Variants in CDC42SE2 observed in about 807,000 individuals in gnomAD.
CDC42SE2 encodes the protein CDC42 small effector 2, also known as CDC42 small effector protein 2.
In CDC42SE2, 3 loss-of-function variants were observed where a neutral mutation model predicts 11.5. The observed-to-expected ratio is 0.26, with a 90% CI of 0.12 to 0.67. CDC42SE2 has a LOEUF of 0.67. CDC42SE2 is among the 30% of genes least tolerant of loss of function. The pLI, the probability that CDC42SE2 is intolerant of heterozygous loss-of-function variation, is 0.80. For missense variants in CDC42SE2, 82 were observed against 106.8 expected (o/e 0.77, Z 1.02); for synonymous variants, 33 against 34.8 (o/e 0.95, Z 0.18).
At chr5:131,346,439 A>G (rs1053160317) in intron 2 of CDC42SE2, among the ~76,000 whole-genome samples, 2 of 152,260 alleles carry the variant, frequency 1.3e-5, no homozygotes, top group African/African-American at 4.8e-5. Context: ...GATCAATTCA[A>G]CAAAAAGAGC....
chr5:131,240,187 T>C, the CDC42SE2 span, among the ~76,000 whole-genome samples: 2 of 152,258 alleles, frequency 1.3e-5, no homozygotes, highest in East Asian at 1.9e-4. Flanking sequence ...GCAACAGTTT[T>C]CTAAATTTAA....
At chr5:131,307,213 C>A (rs1328393328) in intron 1 of CDC42SE2, among the ~76,000 whole-genome samples, 29 of 110,582 alleles carry the variant, frequency 2.6e-4, no homozygotes, top group African/African-American at 1.0e-3. Context: ...CTATCCCTCC[C>A]CCCTCCCCCC....
chr5:131,261,318 T>C (rs1236043885), upstream of CDC42SE2: 1 of 152,232 alleles, frequency 6.6e-6, no homozygotes, highest in Non-Finnish European at 1.5e-5. Flanking sequence ...AGATACATCA[T>C]AATGACTCTA....
chr5:131,318,530 T>A (rs924916610), intron 2 of CDC42SE2, among the ~76,000 whole-genome samples: 4 of 152,164 alleles, frequency 2.6e-5, no homozygotes, highest in Non-Finnish European at 5.9e-5. Context: ...AAAACATAGT[T>A]ATTGAATTCC....
intron 2 of CDC42SE2, among the ~76,000 whole-genome samples, chr5:131,349,000 T>G (rs539357402): frequency 6.6e-6 from 1 of 152,232 alleles, no homozygotes; most frequent in Non-Finnish European, 1.5e-5. Context: ...CAAGATGGAT[T>G]AAAGACTTAA....
intron 1 of CDC42SE2, among the ~76,000 whole-genome samples, chr5:131,282,999 C>T (rs923087854): frequency 1.3e-5 from 2 of 149,690 alleles, no homozygotes; most frequent in Admixed American, 6.7e-5. Context: ...GCAGTCTCGG[C>T]TCACCGCAGC....
At chr5:131,284,752 T>A (rs897093210) in intron 1 of CDC42SE2, among the ~76,000 whole-genome samples, 7 of 152,192 alleles carry the variant, frequency 4.6e-5, no homozygotes, top group Admixed American at 3.9e-4. Context: ...TGATTACAGA[T>A]GTAAGCTACT....
intron 2 of CDC42SE2, among the ~76,000 whole-genome samples, chr5:131,338,426 G>A (rs1028260124): frequency 1.5e-4 from 23 of 152,278 alleles, no homozygotes; most frequent in Non-Finnish European, 1.9e-4. Flanking sequence ...GAATCTAGGC[G>A]GCTAGTGTTT....
intron 2 of CDC42SE2, among the ~76,000 whole-genome samples, chr5:131,352,823 T>C (rs1749385337): frequency 6.6e-6 from 1 of 152,246 alleles, no homozygotes; most frequent in African/African-American, 2.4e-5. Flanking sequence ...GAAACCTCTT[T>C]GGCATCTGAT....
intron 1 of CDC42SE2, among the ~76,000 whole-genome samples, chr5:131,280,102 T>C (rs906696667): frequency 2.0e-5 from 3 of 152,168 alleles, no homozygotes; most frequent in Admixed American, 2.0e-4. Context: ...CGGGAGTTTA[T>C]TGGCATTTTT....
the CDC42SE2 span, among the ~76,000 whole-genome samples, chr5:131,234,014 C>A: frequency 2.6e-5 from 4 of 152,078 alleles, no homozygotes; most frequent in Non-Finnish European, 5.9e-5. Context: ...CCTGCTCTTA[C>A]CACTAGGAAA....
intron 2 of CDC42SE2, among the ~76,000 whole-genome samples, chr5:131,337,635 C>T (rs965412883): frequency 1.3e-5 from 2 of 152,224 alleles, no homozygotes; most frequent in African/African-American, 2.4e-5. Flanking sequence ...AGCTTCCAGG[C>T]TGCTTTGTTT....
upstream of CDC42SE2, among the ~76,000 whole-genome samples, chr5:131,263,227 G>A (rs1025822092): frequency 6.6e-6 from 1 of 151,994 alleles, no homozygotes; most frequent in Non-Finnish European, 1.5e-5. Flanking sequence ...AGGAGTTATG[G>A]ATGATATAAA....
intron 4 of CDC42SE2, among the ~76,000 whole-genome samples, chr5:131,387,737 C>T (rs1750529968): frequency 6.6e-6 from 1 of 152,198 alleles, no homozygotes; most frequent in Non-Finnish European, 1.5e-5. Flanking sequence ...GGCTTGCACA[C>T]CTGCCTCTTA....
intron 1 of CDC42SE2, among the ~76,000 whole-genome samples, chr5:131,312,441 G>T (rs1757942210): frequency 6.6e-6 from 1 of 152,192 alleles, no homozygotes; most frequent in Non-Finnish European, 1.5e-5. Flanking sequence ...AGGCAGGCAG[G>T]CCTCCTTGAG....
At chr5:131,238,119 G>A in the CDC42SE2 span, among the ~76,000 whole-genome samples, 3 of 24,330 alleles carry the variant, frequency 1.2e-4, no homozygotes, top group Admixed American at 1.9e-3. Context: ...CCCACTGCAT[G>A]ATGCATCTAA....
chr5:131,271,336 A>T (rs750756233), intron 1 of CDC42SE2, among the ~76,000 whole-genome samples: 3 of 152,190 alleles, frequency 2.0e-5, no homozygotes, highest in African/African-American at 7.2e-5. Flanking sequence ...AGACCCTCCA[A>T]ATCATCAGAT....
the CDC42SE2 span, among the ~76,000 whole-genome samples, chr5:131,228,375 A>C: frequency 6.6e-6 from 1 of 152,116 alleles, no homozygotes; most frequent in Non-Finnish European, 1.5e-5. Context: ...TCAAGAAAGA[A>C]AGAGAGACAG....
chr5:131,261,670 A>T (rs1295016637), upstream of CDC42SE2: 1 of 152,260 alleles, frequency 6.6e-6, no homozygotes, highest in Admixed American at 6.6e-5. Flanking sequence ...TGGGCAACAT[A>T]GTGAGACCCT....
Sources: gnomAD v4.1 joint callset for allele counts (sites outside exome capture counted in the v4.1 genomes callset) on GRCh38, gnomAD v4.1.1 for gene constraint, MANE v1.5 for transcripts, NCBI Gene and HGNC (gene_info 2026-07-23, HGNC 2026-07-21) for gene names.